The following RTN1 variants were observed in gnomAD, a reference collection of about 807,000 sequenced individuals.
RTN1 encodes reticulon-1.
A neutral mutation model predicts 65.5 loss-of-function variants in RTN1; 25 were observed. That is an observed-to-expected ratio of 0.38 (90% CI 0.28 to 0.53). The LOEUF is 0.53. RTN1 is among the 20% of genes least tolerant of loss of function. The pLI is 0.79. For missense variants in RTN1, 983 were observed against 1,025.4 expected, an observed-to-expected ratio of 0.96 and a Z score of 0.57; for synonymous variants, 471 against 447.6, an observed-to-expected ratio of 1.05 and a Z score of -0.66.
At chr14:59,644,805 C>T (rs1252111329) in intron 3 of RTN1, among the ~76,000 whole-genome samples, 1 of 151,928 alleles carries the variant, frequency 6.6e-6, no homozygotes, top group Non-Finnish European at 1.5e-5. Context: ...AGTACAGCCA[C>T]CCTACAGAAA....
intron 3 of RTN1, among the ~76,000 whole-genome samples, chr14:59,626,104 T>C (rs1334207531): frequency 6.6e-6 from 1 of 152,220 alleles, no homozygotes; most frequent in Non-Finnish European, 1.5e-5. Context: ...TCTGCCTTTA[T>C]GTATATGTGT....
chr14:59,668,331 T>C (rs1320754341), intron 3 of RTN1, among the ~76,000 whole-genome samples: 4 of 152,226 alleles, frequency 2.6e-5, no homozygotes, highest in East Asian at 3.9e-4. Flanking sequence ...TTGACAAACC[T>C]GACAAAAACA....
chr14:59,746,170 G>A lies in RTN1; in HGVS notation c.553C>T (p.Pro185Ser). The A allele has an allele frequency of 1.2e-6, 2 of 1,606,772 alleles. No homozygotes were observed. The highest frequency in any genetic ancestry group is 1.7e-6 in the Non-Finnish European group (2 of 1,177,366). The change falls in exon 2 of 9, where the codon CCT becomes TCT. Residue 185 changes from proline (P) to serine (S), a missense_variant. Transcript: ENST00000267484. Reference protein sequence around the residue: ...STEVNKILADPLDQMKAEAYK... With the variant: ...STEVNKILADSLDQMKAEAYK... ...GCCTCTGCTTTCATCTGGTCCAGAG[G>A]GTCTGCTAAGATCTTGTTCACTTCC...
intron 1 of RTN1, among the ~76,000 whole-genome samples, chr14:59,780,566 T>C (rs8015726): frequency 0.39 from 59,451 of 152,068 alleles, 11,928 homozygotes; most frequent in African/African-American, 0.46. Context: ...TTTAAGTGAA[T>C]TAAGAAGCTA....
At chr14:59,677,261 TGA>T (rs1324565976) in intron 3 of RTN1, among the ~76,000 whole-genome samples, 6 of 152,200 alleles carry the variant, frequency 3.9e-5, no homozygotes, top group African/African-American at 1.4e-4. Context: ...AAAAGCAACG[TGA>T]GTTTTATTTT....
intron 1 of RTN1, among the ~76,000 whole-genome samples, chr14:59,770,484 T>C (rs1198399093): frequency 6.6e-6 from 1 of 151,988 alleles, no homozygotes; most frequent in African/African-American, 2.4e-5. Context: ...ATGCATCAGA[T>C]TTGCAGTAAG....
chr14:59,770,132 C>A (rs1885925473), intron 1 of RTN1, among the ~76,000 whole-genome samples: 1 of 151,902 alleles, frequency 6.6e-6, no homozygotes, highest in African/African-American at 2.4e-5. Context: ...AATCCCAGCA[C>A]TTTGGGAGGC....
At chr14:59,862,927 A>C (rs1887735393) in intron 1 of RTN1, among the ~76,000 whole-genome samples, 1 of 152,216 alleles carries the variant, frequency 6.6e-6, no homozygotes, top group Admixed American at 6.5e-5. Context: ...TTCATTGATA[A>C]AATAGAAGCA....
rs1453561081 is a variant in RTN1, at chr14:59,816,548, G to A, written c.241+53842C>T. Among the ~76,000 whole-genome samples the A allele has an allele frequency of 1.3e-5, 2 of 152,188 alleles. No individual in the cohort carries two copies. Among genetic ancestry groups the A allele is most frequent in the African/African-American group, 2.4e-5 (1 of 41,444 alleles). On this transcript the variant is annotated intron_variant, in intron 1 of 8. Coordinates refer to ENST00000267484, the MANE Select transcript of RTN1 (RefSeq NM_021136.3). This position sits in a 1 kb window ranked among gnomAD's most constrained non-coding sequence, Gnocchi z 4.3. Reference sequence around the variant, plus strand: ...CATAGAAATGAGTTTTGAGATGGAGGATTCAAACCAGGAAATCAGGCTGTG... The same window carrying A: ...CATAGAAATGAGTTTTGAGATGGAGAATTCAAACCAGGAAATCAGGCTGTG...
chr14:59,631,687 G>A (rs1432982877), intron 3 of RTN1, among the ~76,000 whole-genome samples: 1 of 152,194 alleles, frequency 6.6e-6, no homozygotes, highest in Non-Finnish European at 1.5e-5. Flanking sequence ...TGAAGAAAAG[G>A]TAGAAATAGG....
At chr14:59,724,725 GAA>G (rs373673774) in intron 3 of RTN1, among the ~76,000 whole-genome samples, 47 of 138,746 alleles carry the variant, frequency 3.4e-4, no homozygotes, top group African/African-American at 7.3e-4. Context: ...TGTGTCAGAC[GAA>G]AAAAAAAAAA....
intron 1 of RTN1, among the ~76,000 whole-genome samples, chr14:59,802,608 T>C (rs921802242): frequency 6.6e-6 from 1 of 152,218 alleles, no homozygotes; most frequent in African/African-American, 2.4e-5. Flanking sequence ...AATTTAGTAG[T>C]GTATTTAGAA....
intron 6 of RTN1, 108 bp downstream of exon 6, chr14:59,603,744 C>G (rs1735313108): frequency 4.1e-6 from 3 of 737,758 alleles, no homozygotes; most frequent in Non-Finnish European, 6.9e-6. Flanking sequence ...GGATATCTGG[C>G]ATTTGTTCCT....
At chr14:59,672,625 CTTTTTTTTTTT>C (rs71111662) in intron 3 of RTN1, among the ~76,000 whole-genome samples, 5,446 of 79,174 alleles carry the variant, frequency 0.069, 340 homozygotes, top group African/African-American at 0.22. Context: ...CAAGATATTT[CTTTTTTTTTTT>C]TTTTTTTTTT....
At chr14:59,747,293 C>T (rs561410929) in intron 1 of RTN1, among the ~76,000 whole-genome samples, 1 of 152,190 alleles carries the variant, frequency 6.6e-6, no homozygotes, top group African/African-American at 2.4e-5. Context: ...TACTAATACA[C>T]CAGCCATTTT....
intron 3 of RTN1, among the ~76,000 whole-genome samples, chr14:59,688,829 C>T (rs1202501724): frequency 1.3e-5 from 2 of 152,128 alleles, no homozygotes; most frequent in Admixed American, 6.5e-5. Flanking sequence ...ACCCCAACCA[C>T]ACAAAAATAA....
intron 2 of RTN1, among the ~76,000 whole-genome samples, chr14:59,745,004 A>C (rs1186716245): frequency 6.6e-6 from 1 of 152,224 alleles, no homozygotes; most frequent in Non-Finnish European, 1.5e-5. Context: ...CTCTGCCTTC[A>C]TGAGTGGATT....
intron 1 of RTN1, among the ~76,000 whole-genome samples, chr14:59,752,425 C>T (rs112584553): frequency 0.017 from 2,561 of 152,154 alleles, 72 homozygotes; most frequent in African/African-American, 0.059. Context: ...AGCTTAATCA[C>T]CTCCCAAAGG....
In RTN1 at chr14:59,693,279, C is replaced by G. The variant is rs529577065; in HGVS notation, c.1765+33640G>C. On this transcript the variant is annotated intron_variant, in intron 3 of 8. Transcript: ENST00000267484. ...TTTTTGCACAATTTATCTTTTGCAGCATTTGCTATAATATAAGCAGACATT... is the reference window on the plus strand; with the variant it reads ...TTTTTGCACAATTTATCTTTTGCAGGATTTGCTATAATATAAGCAGACATT... Among the ~76,000 whole-genome samples, 27 of 152,290 alleles carry G rather than the reference C, an allele frequency of 1.8e-4. No individual in the cohort carries two copies. In the East Asian group the frequency reaches 4.4e-3, roughly 25 times the overall value.
Sources: allele counts gnomAD v4.1 joint callset (sites outside exome capture counted in the v4.1 genomes callset), GRCh38; gene constraint gnomAD v4.1.1; non-coding constraint Gnocchi (gnomAD v3.1); transcripts MANE v1.5; gene names NCBI Gene and HGNC (gene_info 2026-07-23, HGNC 2026-07-21).